ZRANB3: variants seen among roughly 807,000 people sequenced by gnomAD.
The protein encoded by ZRANB3 is zinc finger RANBP2-type containing 3, also known as DNA annealing helicase and endonuclease ZRANB3.
ZRANB3 carries 125 observed loss-of-function variants against 133.8 expected under a neutral mutation model. That is an observed-to-expected ratio of 0.93 (90% CI 0.81 to 1.08). The LOEUF is 1.08. Among genes scored for constraint, ZRANB3 ranks in the 50% least tolerant of loss-of-function variants. The probability of loss-of-function intolerance (pLI) is 0.00; values close to 1 mark genes in which losing one functional copy is unlikely to be tolerated. For missense variants in ZRANB3, 1,229 were observed against 1,275.5 expected (o/e 0.96, Z 0.56); for synonymous variants, 387 against 432.7 (o/e 0.89, Z 1.31).
chr2:135,294,502 C>A (rs923417313), intron 8 of ZRANB3, among the ~76,000 whole-genome samples: 1 of 152,036 alleles, frequency 6.6e-6, no homozygotes. Context: ...CTTTATTAGT[C>A]TTGCTAGCAG....
chr2:135,278,849 G>A (rs1247144963), intron 8 of ZRANB3, among the ~76,000 whole-genome samples: 1 of 152,102 alleles, frequency 6.6e-6, no homozygotes, highest in African/African-American at 2.4e-5. Flanking sequence ...TACTGATCAA[G>A]CCAAAATTGG....
At chr2:135,344,317 T>C (rs551085310) in intron 6 of ZRANB3, among the ~76,000 whole-genome samples, 4 of 152,346 alleles carry the variant, frequency 2.6e-5, no homozygotes, top group African/African-American at 7.2e-5. Flanking sequence ...AACTATAAAA[T>C]ACTACCTCTC....
At chr2:135,489,439 C>A (rs1042953041) in intron 2 of ZRANB3, among the ~76,000 whole-genome samples, 2 of 150,340 alleles carry the variant, frequency 1.3e-5, no homozygotes, top group African/African-American at 4.9e-5. Context: ...GCACATGTAC[C>A]CTAAAACTTA....
intron 2 of ZRANB3, among the ~76,000 whole-genome samples, chr2:135,456,739 T>A (rs933831725): frequency 2.8e-4 from 43 of 152,130 alleles, no homozygotes; most frequent in Admixed American, 4.6e-4. Flanking sequence ...ATTTTTTACG[T>A]GGATACAAAG....
intron 12 of ZRANB3, among the ~76,000 whole-genome samples, chr2:135,265,196 G>T (rs1174298616): frequency 6.6e-6 from 1 of 152,070 alleles, no homozygotes; most frequent in African/African-American, 2.4e-5. Context: ...CTGTGATTTC[G>T]ATATACTCAA....
intron 2 of ZRANB3, among the ~76,000 whole-genome samples, chr2:135,435,748 A>C (rs11885514): frequency 0.072 from 10,966 of 152,138 alleles, 843 homozygotes; most frequent in African/African-American, 0.2. Context: ...TATCAGTGAT[A>C]CTGAGTTTTT....
intron 11 of ZRANB3, among the ~76,000 whole-genome samples, chr2:135,266,455 G>A (rs894616808): frequency 3.3e-5 from 5 of 151,982 alleles, no homozygotes; most frequent in Non-Finnish European, 5.9e-5. Flanking sequence ...ATTAACTAAG[G>A]AGTCTGGCAC....
intron 8 of ZRANB3, among the ~76,000 whole-genome samples, chr2:135,312,641 A>C (rs1319604701): frequency 6.6e-6 from 1 of 152,336 alleles, no homozygotes; most frequent in East Asian, 1.9e-4. Flanking sequence ...TGAACATGGA[A>C]TATCAAAGGA....
At chr2:135,453,312 G>C (rs996352355) in intron 2 of ZRANB3, among the ~76,000 whole-genome samples, 1 of 152,208 alleles carries the variant, frequency 6.6e-6, no homozygotes, top group Admixed American at 6.5e-5. Flanking sequence ...TCTCTGACAT[G>C]GCCTGGAGAC....
chr2:135,294,446 C>T (rs1354992446), intron 8 of ZRANB3, among the ~76,000 whole-genome samples: 1 of 152,074 alleles, frequency 6.6e-6, no homozygotes, highest in East Asian at 1.9e-4. Context: ...GTGATATCCC[C>T]TTTGTCATTT....
Position 135,424,898 on chromosome 2 carries a change from C to A in ZRANB3, c.162-34078G>T, listed in dbSNP as rs1256674182. ...GGAAAACAGGAGATCCTAAAAGCTTCCAGAAAAAGGTTTCACACAAAAGGT... is the reference window on the plus strand; with the variant it reads ...GGAAAACAGGAGATCCTAAAAGCTTACAGAAAAAGGTTTCACACAAAAGGT... On this transcript the variant is annotated intron_variant, in intron 2 of 20. Coordinates refer to ENST00000264159, the MANE Select transcript of ZRANB3 (RefSeq NM_032143.4). Among the ~76,000 whole-genome samples, 2 of 152,050 alleles carry A rather than the reference C, an allele frequency of 1.3e-5. 1 individual carries two copies. Among genetic ancestry groups the A allele is most frequent in the East Asian group, 3.9e-4 (2 of 5,188 alleles).
chr2:135,519,166 C>G (rs1325907501), intron 1 of ZRANB3, among the ~76,000 whole-genome samples: 1 of 152,074 alleles, frequency 6.6e-6, no homozygotes, highest in East Asian at 1.9e-4. Flanking sequence ...CATGAGGGAT[C>G]CTCCTGGGAT....
chr2:135,440,243 TAAG>T (rs948117012), intron 2 of ZRANB3, among the ~76,000 whole-genome samples: 20 of 152,164 alleles, frequency 1.3e-4, no homozygotes, highest in Non-Finnish European at 2.6e-4. Context: ...TCTCTTGAGA[TAAG>T]AAATAAATAT....
chr2:135,442,638 T>A (rs1689830140), intron 2 of ZRANB3, among the ~76,000 whole-genome samples: 1 of 152,178 alleles, frequency 6.6e-6, no homozygotes, highest in South Asian at 2.1e-4. Flanking sequence ...GACAGTGTGG[T>A]GATTCCTCAA....
chr2:135,531,186 T>A lies in ZRANB3; in HGVS notation c.-67A>T, dbSNP rs893608310. The A allele has an allele frequency of 1.3e-5, 2 of 152,214 alleles. No individual in the cohort carries two copies. The highest frequency in any genetic ancestry group is 4.8e-5 in the African/African-American group (2 of 41,412). 9.4% of individuals were successfully genotyped at this position (152,214 alleles called of 1,614,324 possible). On this transcript the variant is annotated 5_prime_UTR_variant, in exon 1 of 21. Coordinates refer to ENST00000264159, the MANE Select transcript of ZRANB3 (RefSeq NM_032143.4). Reference sequence around the variant, plus strand: ...TCAGGCTCCAACTCGTGGGAAAAGGTAGCTCTTTTACAAGTGGGCAAAATG... The same window carrying A: ...TCAGGCTCCAACTCGTGGGAAAAGGAAGCTCTTTTACAAGTGGGCAAAATG...
Position 135,424,325 on chromosome 2 carries a change from G to C in ZRANB3, c.162-33505C>G, listed in dbSNP as rs530002399. On this transcript the variant is annotated intron_variant, in intron 2 of 20. Transcript: ENST00000264159. ...GATGAGCTCAAAAAGAGGATAAAGAGATAAGAACATTAAAGGACCAATTCC... is the reference window on the plus strand; with the variant it reads ...GATGAGCTCAAAAAGAGGATAAAGACATAAGAACATTAAAGGACCAATTCC... Among the ~76,000 whole-genome samples the C allele has an allele frequency of 7.9e-5, 12 of 152,114 alleles. No homozygotes were observed. In the East Asian group the frequency reaches 2.3e-3, roughly 29 times the overall value.
chr2:135,309,847 T>C (rs1682886938), intron 8 of ZRANB3, among the ~76,000 whole-genome samples: 1 of 152,172 alleles, frequency 6.6e-6, no homozygotes, highest in Non-Finnish European at 1.5e-5. Context: ...GATTCTAAAA[T>C]TCATACAGAA....
chr2:135,508,629 ATT>A (rs1396399482), intron 1 of ZRANB3, among the ~76,000 whole-genome samples: 1 of 152,234 alleles, frequency 6.6e-6, no homozygotes, highest in African/African-American at 2.4e-5. Flanking sequence ...TTAAACAGAT[ATT>A]TGGATAAATA....
chr2:135,207,642 C>T lies in ZRANB3; in HGVS notation c.2801G>A (p.Arg934Gln), dbSNP rs779112695. Residue 934 changes from arginine (R) to glutamine (Q), a missense_variant, in exon 19 of 21, where the codon CGG becomes CAG. Coordinates refer to ENST00000264159, the MANE Select transcript of ZRANB3 (RefSeq NM_032143.4). ...QACKANSWDSRFCSLKCQEEF... is the reference protein window; with the variant it reads ...QACKANSWDSQFCSLKCQEEF... ...TTCCTGACATTTCAGAGAGCAAAACCGTGAATCCCAAGAGTTCGCTTTACA... is the reference window on the plus strand; with the variant it reads ...TTCCTGACATTTCAGAGAGCAAAACTGTGAATCCCAAGAGTTCGCTTTACA... 6 of 1,613,846 alleles carry T rather than the reference C, an allele frequency of 3.7e-6. No individual in the cohort carries two copies. Among genetic ancestry groups the T allele is most frequent in the South Asian group, 2.2e-5 (2 of 91,082 alleles).
Sources: gnomAD v4.1 joint callset for allele counts (sites outside exome capture counted in the v4.1 genomes callset) on GRCh38, gnomAD v4.1.1 for gene constraint, MANE v1.5 for transcripts, NCBI Gene and HGNC (gene_info 2026-07-23, HGNC 2026-07-21) for gene names.